ADGRL3: variants seen among roughly 807,000 people sequenced by gnomAD.
ADGRL3 encodes adhesion G protein-coupled receptor L3.
Under a neutral mutation model 153.5 loss-of-function variants are expected in ADGRL3, and 62 were observed. That is an observed-to-expected ratio of 0.40 (90% CI 0.33 to 0.50). The LOEUF is 0.50. ADGRL3 is among the 20% of genes least tolerant of loss of function. ADGRL3 has a pLI of 0.47. For synonymous variants in ADGRL3, 710 were observed against 672.5 expected, an observed-to-expected ratio of 1.06 and a Z score of -0.86; for missense variants, 1,641 against 1,859.4, an observed-to-expected ratio of 0.88 and a Z score of 2.16.
At chr4:62,043,118 G>A (rs1199883840) in intron 24 of ADGRL3, among the ~76,000 whole-genome samples, 1 of 151,842 alleles carries the variant, frequency 6.6e-6, no homozygotes, top group Non-Finnish European at 1.5e-5. Flanking sequence ...AGTCATTTTG[G>A]TTGATCATAT....
At chr4:61,597,636 G>A (rs1579761608) in intron 5 of ADGRL3, among the ~76,000 whole-genome samples, 2 of 147,348 alleles carry the variant, frequency 1.4e-5, no homozygotes, top group Non-Finnish European at 3.0e-5. Context: ...TTTTTTATTT[G>A]TTTCATGGTA....
intron 11 of ADGRL3, among the ~76,000 whole-genome samples, chr4:61,903,829 G>A (rs2098679971): frequency 1.3e-5 from 2 of 151,884 alleles, no homozygotes; most frequent in South Asian, 4.1e-4. Context: ...CTGAAGTGCT[G>A]TGGCATGGCC....
chr4:61,572,581 T>C (rs1423267805), intron 4 of ADGRL3, among the ~76,000 whole-genome samples: 1 of 152,152 alleles, frequency 6.6e-6, no homozygotes, highest in African/African-American at 2.4e-5. Flanking sequence ...TAAAGCTTTT[T>C]TAAATATATA....
chr4:61,597,621 T>C (rs986524727), intron 5 of ADGRL3, among the ~76,000 whole-genome samples: 1 of 151,670 alleles, frequency 6.6e-6, no homozygotes, highest in Non-Finnish European at 1.5e-5. Flanking sequence ...TTTAGTAACA[T>C]TGACTTTTTT....
chr4:61,632,892 T>C (rs2093250024), intron 5 of ADGRL3, among the ~76,000 whole-genome samples: 1 of 152,176 alleles, frequency 6.6e-6, no homozygotes, highest in African/African-American at 2.4e-5. Flanking sequence ...AAAGGCTCAT[T>C]ACTTATTTTT....
At chr4:61,472,273 A>G (rs901912828) in intron 2 of ADGRL3, among the ~76,000 whole-genome samples, 2 of 152,128 alleles carry the variant, frequency 1.3e-5, no homozygotes, top group East Asian at 1.9e-4. Context: ...TGAAAAGTTC[A>G]AAGACTAGAA....
Position 61,853,347 on chromosome 4 carries a change from A to G in ADGRL3, c.1481-39309A>G, listed in dbSNP as rs2098229558. Among the ~76,000 whole-genome samples, 5 of 152,092 alleles carry G rather than the reference A, an allele frequency of 3.3e-5. No homozygotes were observed. The South Asian group carries it at 1.0e-3, about 32-fold the overall frequency. On this transcript the variant is annotated intron_variant, in intron 9 of 26. Transcript: ENST00000683033. The stretch of plus-strand genomic sequence containing the variant: ...TGCTAGGAACCAAGGCTGAAGAACA[A>G]ATATGTTTTTTAGTATACCACAGTC...
intron 1 of ADGRL3, among the ~76,000 whole-genome samples, chr4:61,364,370 A>C (rs2096355605): frequency 6.6e-6 from 1 of 151,612 alleles, no homozygotes; most frequent in Admixed American, 6.6e-5. Flanking sequence ...AATTTTAAAA[A>C]TCATGAAATA....
At chr4:61,751,594 T>C (rs2096757506) in intron 8 of ADGRL3, among the ~76,000 whole-genome samples, 1 of 152,062 alleles carries the variant, frequency 6.6e-6, no homozygotes, top group South Asian at 2.1e-4. Flanking sequence ...GATTGCGGTA[T>C]GTGTGTGCAT....
intron 8 of ADGRL3, among the ~76,000 whole-genome samples, chr4:61,764,186 CATGTATACATTA>C (rs2096945789): frequency 6.6e-6 from 1 of 152,058 alleles, no homozygotes; most frequent in Non-Finnish European, 1.5e-5. Flanking sequence ...AGGAGAGTAT[CATGTATACATTA>C]CGTATACATA....
chr4:61,564,998 A>G (rs2098810561), intron 4 of ADGRL3, among the ~76,000 whole-genome samples: 1 of 152,196 alleles, frequency 6.6e-6, no homozygotes, highest in Non-Finnish European at 1.5e-5. Context: ...ATGATTACAG[A>G]TCACCATACA....
chr4:62,047,091 T>C (rs1006530361), intron 25 of ADGRL3, among the ~76,000 whole-genome samples: 9 of 152,168 alleles, frequency 5.9e-5, no homozygotes, highest in Admixed American at 2.6e-4. Flanking sequence ...AAAATCTAGA[T>C]ACTACATCTT....
intron 1 of ADGRL3, among the ~76,000 whole-genome samples, chr4:61,251,661 G>A (rs532167916): frequency 5.3e-5 from 8 of 152,162 alleles, no homozygotes; most frequent in East Asian, 1.9e-4. Flanking sequence ...TAACTATAAT[G>A]TGTCAACTAC....
At chr4:61,236,750 G>A (rs1481248932) in intron 1 of ADGRL3, among the ~76,000 whole-genome samples, 1 of 151,980 alleles carries the variant, frequency 6.6e-6, no homozygotes, top group Non-Finnish European at 1.5e-5. Flanking sequence ...TAATTTCTTT[G>A]AAATATAATT....
At chr4:61,566,590 G>C (rs993371082) in intron 4 of ADGRL3, among the ~76,000 whole-genome samples, 1 of 151,986 alleles carries the variant, frequency 6.6e-6, no homozygotes, top group African/African-American at 2.4e-5. Context: ...GGTATGTATG[G>C]GAGGAGACTA....
chr4:61,493,412 C>A (rs1374083204), intron 2 of ADGRL3, among the ~76,000 whole-genome samples: 1 of 152,180 alleles, frequency 6.6e-6, no homozygotes, highest in Non-Finnish European at 1.5e-5. Context: ...TAGAAGAAAT[C>A]ATTGTTAATA....
At chr4:61,431,949 T>C (rs979445537) in intron 2 of ADGRL3, among the ~76,000 whole-genome samples, 1 of 152,170 alleles carries the variant, frequency 6.6e-6, no homozygotes, top group African/African-American at 2.4e-5. Flanking sequence ...GTGTTGGTGA[T>C]TGAGTCAATA....
chr4:61,719,116 T>C (rs1438130544), intron 6 of ADGRL3, among the ~76,000 whole-genome samples: 1 of 152,224 alleles, frequency 6.6e-6, no homozygotes, highest in Non-Finnish European at 1.5e-5. Context: ...TTATTTCCTT[T>C]GTCAACTTTG....
chr4:61,459,216 T>C (rs2097784623), intron 2 of ADGRL3, among the ~76,000 whole-genome samples: 1 of 151,860 alleles, frequency 6.6e-6, no homozygotes, highest in South Asian at 2.1e-4. Flanking sequence ...TTTCATGATA[T>C]TCGATTCATT....
Sources: allele counts gnomAD v4.1 joint callset (sites outside exome capture counted in the v4.1 genomes callset), GRCh38; gene constraint gnomAD v4.1.1; transcripts MANE v1.5; gene names NCBI Gene and HGNC (gene_info 2026-07-23, HGNC 2026-07-21).